Variants in UBAP1 observed in about 807,000 individuals in gnomAD.
The protein encoded by UBAP1 is ubiquitin associated protein 1, also known as ubiquitin-associated protein 1.
A neutral mutation model predicts 39.0 loss-of-function variants in UBAP1; 5 were observed. That is an observed-to-expected ratio of 0.13 (90% CI 0.07 to 0.27). The LOEUF is 0.27. UBAP1 is among the 10% of genes least tolerant of loss of function. UBAP1 has a pLI of 1.00. For synonymous variants in UBAP1, 211 were observed against 225.1 expected (o/e 0.94, Z 0.56); for missense variants, 490 against 608.1 (o/e 0.81, Z 2.04).
chr9:34,231,571 A>G (rs1833418933), intron 2 of UBAP1, among the ~76,000 whole-genome samples: 1 of 151,830 alleles, frequency 6.6e-6, no homozygotes, highest in African/African-American at 2.4e-5. Context: ...CATACATTAT[A>G]CTGAGTTTTG....
intron 1 of UBAP1, among the ~76,000 whole-genome samples, chr9:34,217,541 C>T (rs1201637944): frequency 6.6e-6 from 1 of 151,424 alleles, no homozygotes; most frequent in Non-Finnish European, 1.5e-5. Flanking sequence ...TGGCTGGTGG[C>T]GGTGGTGGTT....
intron 1 of UBAP1, among the ~76,000 whole-genome samples, chr9:34,181,111 G>GTTTTTTTT (rs1563879456): frequency 2.8e-5 from 1 of 35,284 alleles, no homozygotes; most frequent in Non-Finnish European, 6.9e-5. Flanking sequence ...CACCCGGCCT[G>GTTTTTTTT]TTTTCTTTTT....
At chr9:34,213,616 A>G (rs924562633) in intron 1 of UBAP1, among the ~76,000 whole-genome samples, 7 of 152,174 alleles carry the variant, frequency 4.6e-5, no homozygotes, top group African/African-American at 1.7e-4. Flanking sequence ...AGAACAAGAC[A>G]AGGATGCCTG....
intron 1 of UBAP1, among the ~76,000 whole-genome samples, chr9:34,182,172 A>G (rs1210583043): frequency 7.1e-6 from 1 of 139,890 alleles, no homozygotes; most frequent in African/African-American, 3.0e-5. Flanking sequence ...TTATTTATTT[A>G]TTTATTTATT....
chr9:34,195,545 C>A (rs1193699939), intron 1 of UBAP1, among the ~76,000 whole-genome samples: 3 of 151,874 alleles, frequency 2.0e-5, no homozygotes, highest in African/African-American at 7.3e-5. Flanking sequence ...AATTTTGAAA[C>A]CAGAAAAGAA....
chr9:34,185,607 A>G (rs954323772), intron 1 of UBAP1, among the ~76,000 whole-genome samples: 3 of 152,012 alleles, frequency 2.0e-5, no homozygotes, highest in African/African-American at 7.2e-5. Context: ...GCACTTGGGG[A>G]GGCCCAGGCA....
intron 3 of UBAP1, among the ~76,000 whole-genome samples, chr9:34,240,959 G>A (rs1428911398): frequency 6.6e-6 from 1 of 152,206 alleles, no homozygotes; most frequent in Non-Finnish European, 1.5e-5. Context: ...AGGAGGGTCT[G>A]TAGCCAGGTT....
chr9:34,250,987 A>C (rs1290274910), intron 6 of UBAP1: 1 of 548,142 alleles, frequency 1.8e-6, no homozygotes, highest in Non-Finnish European at 3.3e-6. Context: ...AAGGGAAGGG[A>C]ATATTGGCCT....
chr9:34,230,416 G>A (rs1476531742), intron 2 of UBAP1, among the ~76,000 whole-genome samples: 1 of 152,172 alleles, frequency 6.6e-6, no homozygotes, highest in East Asian at 1.9e-4. Context: ...TGTATCATCT[G>A]TGCTTATTAG....
intron 1 of UBAP1, chr9:34,191,642 A>G (rs1830726400): frequency 6.5e-6 from 1 of 153,768 alleles, no homozygotes; most frequent in Admixed American, 6.5e-5. Flanking sequence ...CTGTTTTTAA[A>G]TCGAAGGTGT....
intron 4 of UBAP1, among the ~76,000 whole-genome samples, chr9:34,246,282 T>G (rs1045797340): frequency 1.3e-5 from 2 of 152,154 alleles, no homozygotes; most frequent in Non-Finnish European, 1.5e-5. Context: ...TCCAGGCTGG[T>G]CTCAAAATTC....
chr9:34,241,250 C>T lies in UBAP1; in HGVS notation c.225C>T (p.Ala75=), dbSNP rs376755517. ...AAGAGATTAAGAAAATCGAAGAAGC[C>T]GAGCGGGAAGCAGAGTGCAAAATTG... is the stretch of plus-strand genomic sequence containing the variant. ...WAEEIKKIEE[A]EREAECKIAE... Residue 75 remains alanine (A), a synonymous_variant, in exon 4 of 7, where the codon GCC becomes GCT. Transcript: ENST00000297661. 56 of 1,499,702 alleles carry T rather than the reference C, an allele frequency of 3.7e-5. No homozygotes were observed. Among genetic ancestry groups the T allele is most frequent in the East Asian group, 2.1e-4 (9 of 43,830 alleles). 92.9% of individuals were successfully genotyped at this position (1,499,702 alleles called of 1,614,324 possible).
chr9:34,182,550 A>T (rs966857814), intron 1 of UBAP1, among the ~76,000 whole-genome samples: 1 of 152,078 alleles, frequency 6.6e-6, no homozygotes, highest in African/African-American at 2.4e-5. Flanking sequence ...TTGAAATATC[A>T]TTAGCCTTGA....
At chr9:34,194,880 C>G (rs1176093827) in intron 1 of UBAP1, among the ~76,000 whole-genome samples, 1 of 152,102 alleles carries the variant, frequency 6.6e-6, no homozygotes, top group Non-Finnish European at 1.5e-5. Flanking sequence ...TGAATAAGTT[C>G]TGATGAGCCA....
intron 1 of UBAP1, 34 bp from the exon 2 acceptor site, chr9:34,220,874 T>C: frequency 1.2e-6 from 2 of 1,604,560 alleles, no homozygotes; most frequent in Non-Finnish European, 1.7e-6. Flanking sequence ...CTTCAAGGTA[T>C]AATGTGCCTA....
chr9:34,183,084 C>T (rs546541453), intron 1 of UBAP1, among the ~76,000 whole-genome samples: 11 of 151,990 alleles, frequency 7.2e-5, no homozygotes, highest in Admixed American at 2.0e-4. Context: ...GGCCTCTGTT[C>T]TTTAGTTATG....
At chr9:34,187,836 A>G (rs1830488642) in intron 1 of UBAP1, among the ~76,000 whole-genome samples, 2 of 151,782 alleles carry the variant, frequency 1.3e-5, no homozygotes, top group South Asian at 4.2e-4. Context: ...TTTTTAAAAA[A>G]AAAAACAAAA....
rs1446128632 is a variant in UBAP1 at position 34,249,890 on chromosome 9, G to C, written c.1195G>C (p.Val399Leu). ...CAGCGAGCGGCAGTGTGTGGAGACGGTGGTCAACATGGGCTACTCGTACGA... is the reference window on the plus strand; with the variant it reads ...CAGCGAGCGGCAGTGTGTGGAGACGCTGGTCAACATGGGCTACTCGTACGA... Reference protein sequence around the residue: ...SPSERQCVETVVNMGYSYECV... With the variant: ...SPSERQCVETLVNMGYSYECV... The change falls in exon 5 of 7, where the codon GTG becomes CTG. Residue 399 changes from valine (V) to leucine (L), a missense_variant. Around this residue, in one of 3 missense-constraint regions of UBAP1, gnomAD observed 339 missense variants for 390.0 expected, o/e 0.87. Transcript: ENST00000297661. 1 of 1,614,196 alleles carries C rather than the reference G, an allele frequency of 6.2e-7. No individual in the cohort carries two copies. The highest frequency in any genetic ancestry group is 1.1e-5 in the South Asian group (1 of 91,084).
At chr9:34,251,115 G>A (rs1225258252) in intron 6 of UBAP1, among the ~76,000 whole-genome samples, 2 of 152,218 alleles carry the variant, frequency 1.3e-5, no homozygotes, top group African/African-American at 4.8e-5. Context: ...GTGGGAAGAT[G>A]GATGTGGGTG....
Sources: gnomAD v4.1 joint callset for allele counts (sites outside exome capture counted in the v4.1 genomes callset) on GRCh38, gnomAD v4.1.1 for gene constraint, gnomAD v4.1.1 regional missense constraint, MANE v1.5 for transcripts, NCBI Gene and HGNC (gene_info 2026-07-23, HGNC 2026-07-21) for gene names.